Variants in DTL observed in about 807,000 individuals in gnomAD.
The protein encoded by DTL is denticleless protein homolog.
In DTL, 46 loss-of-function variants were observed where a neutral mutation model predicts 87.0. That is an observed-to-expected ratio of 0.53 (90% confidence interval 0.42 to 0.68). The LOEUF (loss-of-function observed/expected upper bound fraction) is 0.68, where lower values mean the gene tolerates loss of function less well. DTL is among the 30% of genes least tolerant of loss of function. The pLI is 0.00. For synonymous variants in DTL, 308 were observed against 311.2 expected (o/e 0.99, Z 0.11); for missense variants, 737 against 869.4 (o/e 0.85, Z 1.91).
chr1:212,068,280 T>G lies in DTL; in HGVS notation c.770T>G (p.Ile257Arg). Residue 257 changes from isoleucine to arginine, a missense_variant, in exon 9 of 15, where the codon ATA becomes AGA. By Grantham distance (97) the Ile-to-Arg change is moderately conservative. Coordinates refer to ENST00000366991, the MANE Select transcript of DTL (RefSeq NM_016448.4). ...KNYTAYRQEPIASKSFLYPGS... is the reference protein window; with the variant it reads ...KNYTAYRQEPRASKSFLYPGS... Reference sequence around the variant, plus strand: ...TATACTGCTTATCGACAAGAACCCATAGCATCCAAGTCTTTCCTGTACCCA... The same window carrying G: ...TATACTGCTTATCGACAAGAACCCAGAGCATCCAAGTCTTTCCTGTACCCA... 6.2e-7 allele frequency: 1 copy of G among 1,612,632 alleles called. No homozygotes were observed. The highest frequency in any genetic ancestry group is 1.1e-5 in the South Asian group (1 of 90,826).
intron 5 of DTL, among the ~76,000 whole-genome samples, chr1:212,053,684 C>G (rs905320156): frequency 6.6e-6 from 1 of 152,092 alleles, no homozygotes; most frequent in Non-Finnish European, 1.5e-5. Context: ...CTCCCGGGCT[C>G]AAGTGATCCT....
chr1:212,082,800 GAGAAT>G (rs1655024179), intron 13 of DTL, among the ~76,000 whole-genome samples: 3 of 152,300 alleles, frequency 2.0e-5, no homozygotes, highest in African/African-American at 7.2e-5. Context: ...TTGTCACTGA[GAGAAT>G]AGAGGAATAA....
At chr1:212,074,936 A>G (rs919464234) in intron 11 of DTL, among the ~76,000 whole-genome samples, 2 of 152,142 alleles carry the variant, frequency 1.3e-5, no homozygotes, top group Non-Finnish European at 2.9e-5. Flanking sequence ...AAAAGATTTA[A>G]TATTATACCT....
At position 212,103,238 on chromosome 1, in the gene DTL, T is replaced by A. The variant is rs989221758; in HGVS notation, c.*298T>A. The A allele has an allele frequency of 5.8e-6, 1 of 172,336 alleles. No individual in the cohort carries two copies. Among genetic ancestry groups the A allele is most frequent in the South Asian group, 1.8e-4 (1 of 5,680 alleles). The allele number at this position is 172,336 out of a possible 1,614,324, so 10.7% of individuals were successfully genotyped here. ...CTTTTTAAATTATTCATCTTCTCTA[T>A]AATAATGACATCCCAGTTCATGGAG... On this transcript the variant is annotated 3_prime_UTR_variant, in exon 15 of 15. Coordinates refer to ENST00000366991, the MANE Select transcript of DTL (RefSeq NM_016448.4).
chr1:212,084,274 C>T (rs1420581557), intron 13 of DTL, among the ~76,000 whole-genome samples: 1 of 150,992 alleles, frequency 6.6e-6, no homozygotes, highest in African/African-American at 2.4e-5. Context: ...ATGATCTCAG[C>T]TCACTTATTC....
chr1:212,041,859 A>G (rs1667661294), intron 1 of DTL, among the ~76,000 whole-genome samples: 6 of 152,122 alleles, frequency 3.9e-5, no homozygotes, highest in Admixed American at 3.9e-4. Context: ...ATGATATGTG[A>G]TGCTGAAATT....
At chr1:212,057,225 A>G (rs1668204119) in intron 5 of DTL, among the ~76,000 whole-genome samples, 1 of 152,086 alleles carries the variant, frequency 6.6e-6, no homozygotes. Context: ...GTCAAAGACA[A>G]AGTGAAAATT....
chr1:212,099,207 CT>C (rs1231561986), intron 13 of DTL, among the ~76,000 whole-genome samples: 5 of 151,816 alleles, frequency 3.3e-5, no homozygotes, highest in Admixed American at 1.3e-4. Flanking sequence ...GACTTTACCC[CT>C]CTCACACTGT....
At chr1:212,072,782 G>C (rs1253685644) in intron 11 of DTL, among the ~76,000 whole-genome samples, 2 of 54,504 alleles carry the variant, frequency 3.7e-5, no homozygotes, top group Non-Finnish European at 7.5e-5. Context: ...TTTTTTTATT[G>C]AGATGGAGTC....
chr1:212,036,373 AC>A (rs1667461781), intron 1 of DTL, among the ~76,000 whole-genome samples: 1 of 152,162 alleles, frequency 6.6e-6, no homozygotes, highest in African/African-American at 2.4e-5. Flanking sequence ...AGTGAATATG[AC>A]CCGCTGTTAA....
At chr1:212,085,591 G>T (rs1655109326) in intron 13 of DTL, among the ~76,000 whole-genome samples, 1 of 152,146 alleles carries the variant, frequency 6.6e-6, no homozygotes, top group South Asian at 2.1e-4. Context: ...TCTGTGGGTT[G>T]TGTTTTTACT....
At position 212,103,740 on chromosome 1, in the gene DTL, A is replaced by G. The variant is rs1655691776; in HGVS notation, c.*800A>G. On this transcript the variant is annotated 3_prime_UTR_variant, in exon 15 of 15. Coordinates refer to ENST00000366991, the MANE Select transcript of DTL (RefSeq NM_016448.4). The stretch of plus-strand genomic sequence containing the variant: ...GAGGTTATGATTTTTGCCATTTACT[A>G]GAGGAAGATGTTTTATGAAATCAAT... 1 of 152,172 alleles carries G rather than the reference A, an allele frequency of 6.6e-6. No homozygotes were observed. The highest frequency in any genetic ancestry group is 2.1e-4 in the South Asian group (1 of 4,828). The allele number at this position is 152,172 out of a possible 1,614,324, so 9.4% of individuals were successfully genotyped here. A position where few individuals can be genotyped will look rare whatever the true frequency, so the allele number is the denominator to read the frequency against.
chr1:212,092,612 T>C (rs1484700362), intron 13 of DTL, among the ~76,000 whole-genome samples: 1 of 152,226 alleles, frequency 6.6e-6, no homozygotes, highest in Non-Finnish European at 1.5e-5. Flanking sequence ...ATTTTATGGC[T>C]AAGTAGTATT....
At chr1:212,044,066 G>C (rs1459561539) in intron 2 of DTL, among the ~76,000 whole-genome samples, 1 of 152,112 alleles carries the variant, frequency 6.6e-6, no homozygotes, top group East Asian at 1.9e-4. Flanking sequence ...TCCTGCCTAG[G>C]TGACATAGCG....
intron 5 of DTL, 152 bp downstream of exon 5, chr1:212,047,569 G>T: frequency 1.2e-5 from 13 of 1,114,506 alleles, no homozygotes; most frequent in Non-Finnish European, 1.6e-5. Flanking sequence ...GTTTCGTTCT[G>T]TTGCCCAGGC....
intron 5 of DTL, among the ~76,000 whole-genome samples, chr1:212,061,756 C>T (rs1006778842): frequency 1.3e-5 from 2 of 152,074 alleles, no homozygotes; most frequent in African/African-American, 4.8e-5. Flanking sequence ...AAGCCAGGCA[C>T]AAAAGATAAA....
chr1:212,087,192 A>G (rs114315113), intron 13 of DTL, among the ~76,000 whole-genome samples: 1,687 of 152,222 alleles, frequency 0.011, 31 homozygotes, highest in African/African-American at 0.038. Context: ...CTATAATTGA[A>G]CCCTTGCAGT....
chr1:212,040,790 A>G (rs946871699), intron 1 of DTL, among the ~76,000 whole-genome samples: 12 of 152,240 alleles, frequency 7.9e-5, no homozygotes, highest in African/African-American at 2.9e-4. Context: ...TACTCTGGAC[A>G]CAGGGATGAT....
At chr1:212,057,006 T>C (rs1571951452) in intron 5 of DTL, among the ~76,000 whole-genome samples, 1 of 152,032 alleles carries the variant, frequency 6.6e-6, no homozygotes, top group African/African-American at 2.4e-5. Flanking sequence ...TGGGACACTA[T>C]AAAGTGGCCA....
Sources: gnomAD v4.1 joint callset for allele counts (sites outside exome capture counted in the v4.1 genomes callset) on GRCh38, gnomAD v4.1.1 for gene constraint, MANE v1.5 for transcripts, NCBI Gene and HGNC (gene_info 2026-07-23, HGNC 2026-07-21) for gene names.